The following UNC5D variants were observed in gnomAD, a reference collection of about 807,000 sequenced individuals.
UNC5D encodes the protein unc-5 netrin receptor D.
A neutral mutation model predicts 105.4 loss-of-function variants in UNC5D; 39 were observed. The observed-to-expected ratio is 0.37, with a 90% CI of 0.29 to 0.48. The LOEUF (loss-of-function observed/expected upper bound fraction) is 0.48. Ranked by LOEUF, UNC5D falls within the 20% of genes least tolerant of loss-of-function variation. UNC5D has a pLI of 0.98. For missense variants in UNC5D, 991 were observed against 1,202.4 expected (o/e 0.82, Z 2.60); for synonymous variants, 452 against 450.4 (o/e 1.00, Z -0.04).
intron 1 of UNC5D, among the ~76,000 whole-genome samples, chr8:35,533,575 C>A (rs944093688): frequency 6.6e-6 from 1 of 152,220 alleles, no homozygotes; most frequent in African/African-American, 2.4e-5. Context: ...TGGGCTCCAC[C>A]CAATTCGAGC....
At chr8:35,598,028 T>C (rs1819598986) in intron 4 of UNC5D, among the ~76,000 whole-genome samples, 2 of 152,052 alleles carry the variant, frequency 1.3e-5, no homozygotes, top group African/African-American at 4.8e-5. Flanking sequence ...GGCCTTTGAA[T>C]GTGCTGGCCT....
intron 4 of UNC5D, among the ~76,000 whole-genome samples, chr8:35,675,032 T>G (rs1205472230): frequency 2.6e-5 from 4 of 152,160 alleles, no homozygotes; most frequent in African/African-American, 9.7e-5. Context: ...TCCCAAGACG[T>G]TTTTTACTAT....
chr8:35,621,006 C>T (rs192080160), intron 4 of UNC5D, among the ~76,000 whole-genome samples: 31 of 152,260 alleles, frequency 2.0e-4, no homozygotes, highest in African/African-American at 6.7e-4. Flanking sequence ...GTTCAGGGTA[C>T]GATGTTGAGC....
intron 1 of UNC5D, among the ~76,000 whole-genome samples, chr8:35,548,852 C>T (rs971730131): frequency 6.6e-6 from 1 of 152,146 alleles, no homozygotes; most frequent in Non-Finnish European, 1.5e-5. Flanking sequence ...GCTGAGTATC[C>T]TCTGTTATCA....
intron 1 of UNC5D, among the ~76,000 whole-genome samples, chr8:35,319,569 C>T (rs1178271034): frequency 1.3e-5 from 2 of 152,130 alleles, no homozygotes; most frequent in Non-Finnish European, 2.9e-5. Context: ...CCATGAACTT[C>T]TGCCTTTCTC....
At chr8:35,237,878 G>A (rs7002688) in intron 1 of UNC5D, among the ~76,000 whole-genome samples, 3,058 of 152,200 alleles carry the variant, frequency 0.02, 114 homozygotes, top group African/African-American at 0.071. Flanking sequence ...TTGCACAGTT[G>A]GGTGTAATTG....
chr8:35,545,561 C>T lies in UNC5D; in HGVS notation c.104-3731C>T, dbSNP rs552039367. ...GGCTTTGCTGCACCAGGAATGAGAG[C>T]CTGACCCAGTGTGGAACTTGGAGTG... On this transcript the variant is annotated intron_variant, in intron 1 of 16. Coordinates refer to ENST00000404895, the MANE Select transcript of UNC5D (RefSeq NM_080872.4). Among the ~76,000 whole-genome samples, 12 of 152,142 alleles carry T rather than the reference C, an allele frequency of 7.9e-5. No individual in the cohort carries two copies. In the East Asian group the frequency reaches 1.7e-3, roughly 22 times the overall value.
At chr8:35,445,058 A>G (rs1807679477) in intron 1 of UNC5D, among the ~76,000 whole-genome samples, 1 of 151,958 alleles carries the variant, frequency 6.6e-6, no homozygotes, top group Non-Finnish European at 1.5e-5. Context: ...AATGTAGACA[A>G]TCTTTCTTGA....
At chr8:35,268,155 G>A (rs953850126) in intron 1 of UNC5D, among the ~76,000 whole-genome samples, 1 of 151,870 alleles carries the variant, frequency 6.6e-6, no homozygotes, top group African/African-American at 2.4e-5. Context: ...GTACTTTAAT[G>A]TTTTCCAAAT....
chr8:35,441,841 T>C (rs1046547704), intron 1 of UNC5D, among the ~76,000 whole-genome samples: 1 of 151,534 alleles, frequency 6.6e-6, no homozygotes, highest in African/African-American at 2.4e-5. Flanking sequence ...GTCTGACCAT[T>C]ATTCATCTAA....
chr8:35,387,821 A>G (rs2128937956), intron 1 of UNC5D, among the ~76,000 whole-genome samples: 1 of 152,352 alleles, frequency 6.6e-6, no homozygotes, highest in East Asian at 1.9e-4. Flanking sequence ...AGAATTAGCT[A>G]TTATTGTAAT....
chr8:35,663,798 G>A (rs552129231), intron 4 of UNC5D, among the ~76,000 whole-genome samples: 8 of 152,246 alleles, frequency 5.3e-5, no homozygotes, highest in African/African-American at 1.9e-4. Context: ...AAGGAAGTAT[G>A]GTATAGTTAT....
intron 3 of UNC5D, among the ~76,000 whole-genome samples, chr8:35,582,142 G>A (rs997231480): frequency 2.0e-5 from 3 of 152,000 alleles, no homozygotes; most frequent in African/African-American, 7.2e-5. Flanking sequence ...TGAACTTTTG[G>A]CCCCATAGGC....
At chr8:35,327,285 T>C (rs946234906) in intron 1 of UNC5D, among the ~76,000 whole-genome samples, 1 of 152,226 alleles carries the variant, frequency 6.6e-6, no homozygotes, top group South Asian at 2.1e-4. Context: ...AATTTTTACA[T>C]GGACTAAATG....
At chr8:35,600,468 T>C (rs1036886472) in intron 4 of UNC5D, among the ~76,000 whole-genome samples, 2 of 152,248 alleles carry the variant, frequency 1.3e-5, no homozygotes, top group Admixed American at 6.5e-5. Context: ...GCACCTGTTG[T>C]TTCCTGACTT....
intron 11 of UNC5D, among the ~76,000 whole-genome samples, chr8:35,734,782 ATTTT>A (rs1171276656): frequency 7.9e-6 from 1 of 126,718 alleles, no homozygotes; most frequent in Admixed American, 7.8e-5. Context: ...CACACTTTAA[ATTTT>A]TTTTTTTTTT....
chr8:35,528,076 A>G (rs12547584), intron 1 of UNC5D, among the ~76,000 whole-genome samples: 17,107 of 121,844 alleles, frequency 0.14, 1,262 homozygotes, highest in East Asian at 0.31. Flanking sequence ...TTTAAGTTTT[A>G]GGGTACATGT....
At chr8:35,485,902 G>A (rs371087822) in intron 1 of UNC5D, among the ~76,000 whole-genome samples, 2 of 152,206 alleles carry the variant, frequency 1.3e-5, no homozygotes, top group African/African-American at 4.8e-5. Context: ...TTGCACTAGT[G>A]TTGCAGGTAT....
intron 1 of UNC5D, among the ~76,000 whole-genome samples, chr8:35,242,885 A>T (rs1385603287): frequency 6.6e-6 from 1 of 152,212 alleles, no homozygotes; most frequent in Non-Finnish European, 1.5e-5. Flanking sequence ...TTCTGTTAGC[A>T]ACAGTACTTA....
Sources: gnomAD v4.1 joint callset for allele counts (sites outside exome capture counted in the v4.1 genomes callset) on GRCh38, gnomAD v4.1.1 for gene constraint, MANE v1.5 for transcripts, NCBI Gene and HGNC (gene_info 2026-07-23, HGNC 2026-07-21) for gene names.